Variants in HNF4G observed in about 807,000 individuals in gnomAD.
HNF4G encodes hepatocyte nuclear factor 4-gamma.
A neutral mutation model predicts 50.9 loss-of-function variants in HNF4G; 21 were observed. The ratio of observed to expected loss-of-function variants is 0.41; its 90% CI spans 0.29 to 0.59. The LOEUF is 0.59. Among genes scored for constraint, HNF4G ranks in the 20% least tolerant of loss-of-function variants. The probability of loss-of-function intolerance (pLI) is 0.26; values close to 1 mark genes in which losing one functional copy is unlikely to be tolerated. For missense variants in HNF4G, 527 were observed against 559.4 expected (o/e 0.94, Z 0.58); for synonymous variants, 198 against 185.6 (o/e 1.07, Z -0.54).
chr8:75,486,098 T>A (rs935802494), intron 1 of HNF4G, among the ~76,000 whole-genome samples: 1 of 152,218 alleles, frequency 6.6e-6, no homozygotes, highest in African/African-American at 2.4e-5. Flanking sequence ...ATGCCAGACT[T>A]ACAGATGAAT....
chr8:75,415,772 T>C lies in HNF4G; in HGVS notation c.-144+7610T>C, dbSNP rs764808084. Among the ~76,000 whole-genome samples, 4 of 149,306 alleles carry C rather than the reference T, an allele frequency of 2.7e-5. No homozygotes were observed. The South Asian group carries it at 8.7e-4, about 32-fold the overall frequency. On this transcript the variant is annotated intron_variant, in intron 1 of 10. Transcript: ENST00000354370. Reference sequence around the variant, plus strand: ...CCTTTTCAACCAGTGTGTGCACGTGTGTGTGTTGGGGGGTGGGGGGCATGT... The same window carrying C: ...CCTTTTCAACCAGTGTGTGCACGTGCGTGTGTTGGGGGGTGGGGGGCATGT...
At chr8:75,449,011 G>T (rs769265332) in intron 1 of HNF4G, among the ~76,000 whole-genome samples, 1 of 152,048 alleles carries the variant, frequency 6.6e-6, no homozygotes, top group South Asian at 2.1e-4. Context: ...CTGAGATTTG[G>T]GGGGGTATAG....
intron 1 of HNF4G, among the ~76,000 whole-genome samples, chr8:75,478,682 C>T (rs59055350): frequency 0.015 from 2,352 of 152,174 alleles, 64 homozygotes; most frequent in African/African-American, 0.054. Flanking sequence ...TTAGTTTGCT[C>T]ATGTATAAAG....
intron 2 of HNF4G, among the ~76,000 whole-genome samples, chr8:75,521,116 A>C (rs1456974777): frequency 1.3e-5 from 2 of 152,316 alleles, no homozygotes; most frequent in African/African-American, 4.8e-5. Flanking sequence ...GGAAAATAAC[A>C]AAAGAACTAT....
At chr8:75,456,209 C>T (rs1361854981) in intron 1 of HNF4G, among the ~76,000 whole-genome samples, 1 of 151,716 alleles carries the variant, frequency 6.6e-6, no homozygotes. Context: ...CAGGGTAGTG[C>T]AAAATTCGAC....
intron 3 of HNF4G, among the ~76,000 whole-genome samples, chr8:75,550,221 G>T (rs1227794149): frequency 6.6e-6 from 1 of 152,140 alleles, no homozygotes; most frequent in African/African-American, 2.4e-5. Context: ...TACATTCCTT[G>T]TTTCCCTTCT....
intron 2 of HNF4G, among the ~76,000 whole-genome samples, chr8:75,523,735 A>G (rs1341026359): frequency 6.6e-6 from 1 of 151,496 alleles, no homozygotes; most frequent in Non-Finnish European, 1.5e-5. Context: ...ATAGTATTAT[A>G]TTTTATAATA....
At chr8:75,472,747 G>C (rs1438561682) in intron 1 of HNF4G, among the ~76,000 whole-genome samples, 1 of 152,068 alleles carries the variant, frequency 6.6e-6, no homozygotes, top group Non-Finnish European at 1.5e-5. Context: ...TCACTGTTTT[G>C]GGGGGCTGGA....
At chr8:75,560,043 G>T (rs1015848447) in intron 8 of HNF4G, among the ~76,000 whole-genome samples, 2 of 152,040 alleles carry the variant, frequency 1.3e-5, no homozygotes, top group Non-Finnish European at 2.9e-5. Flanking sequence ...TAAACTTGAG[G>T]TAAGTGATTC....
intron 1 of HNF4G, among the ~76,000 whole-genome samples, chr8:75,444,693 T>A (rs1405180735): frequency 8.9e-6 from 1 of 112,802 alleles, no homozygotes; most frequent in Non-Finnish European, 1.8e-5. Context: ...GGCCATTACA[T>A]AATGATAAAG....
intron 1 of HNF4G, among the ~76,000 whole-genome samples, chr8:75,464,393 T>C (rs1811919936): frequency 6.6e-6 from 1 of 152,222 alleles, no homozygotes; most frequent in South Asian, 2.1e-4. Flanking sequence ...AAATATCAAA[T>C]TGTCTTTCAT....
intron 2 of HNF4G, among the ~76,000 whole-genome samples, chr8:75,504,172 G>A (rs1362734907): frequency 6.6e-6 from 1 of 151,484 alleles, no homozygotes; most frequent in Non-Finnish European, 1.5e-5. Flanking sequence ...AGTGAGCTGA[G>A]ATTGTGCCAC....
At chr8:75,491,285 T>A (rs1260704646) in intron 2 of HNF4G, among the ~76,000 whole-genome samples, 1 of 152,136 alleles carries the variant, frequency 6.6e-6, no homozygotes, top group Non-Finnish European at 1.5e-5. Context: ...ATACAAAATT[T>A]TTTTACTTGA....
At chr8:75,489,084 C>T (rs941955754) in intron 1 of HNF4G, among the ~76,000 whole-genome samples, 1 of 152,058 alleles carries the variant, frequency 6.6e-6, no homozygotes, top group Admixed American at 6.6e-5. Context: ...GAAAAATAAC[C>T]CAGAAGCCAC....
At chr8:75,476,290 A>C (rs1314376976) in intron 1 of HNF4G, among the ~76,000 whole-genome samples, 1 of 152,202 alleles carries the variant, frequency 6.6e-6, no homozygotes, top group Non-Finnish European at 1.5e-5. Flanking sequence ...ATTGCTGTGT[A>C]GTATTCCATG....
At chr8:75,549,627 A>G (rs962471863) in intron 3 of HNF4G, among the ~76,000 whole-genome samples, 2 of 146,930 alleles carry the variant, frequency 1.4e-5, no homozygotes, top group African/African-American at 5.1e-5. Flanking sequence ...TTATTATTAT[A>G]CTTTAAGTTT....
chr8:75,463,415 T>G (rs900637573), intron 1 of HNF4G, among the ~76,000 whole-genome samples: 5 of 152,184 alleles, frequency 3.3e-5, no homozygotes, highest in South Asian at 4.1e-4. Flanking sequence ...CTTATAATTC[T>G]TGATCACATG....
intron 2 of HNF4G, among the ~76,000 whole-genome samples, chr8:75,512,418 GATAAAC>G (rs1805778743): frequency 1.3e-5 from 2 of 148,638 alleles, no homozygotes; most frequent in Admixed American, 1.3e-4. Context: ...CTTCATTTTA[GATAAAC>G]ATCTTTATTA....
At chr8:75,534,681 A>G (rs1806414171) in intron 2 of HNF4G, among the ~76,000 whole-genome samples, 1 of 151,910 alleles carries the variant, frequency 6.6e-6, no homozygotes, top group South Asian at 2.1e-4. Context: ...GCTATTTCAC[A>G]AGGTGCTTAT....
Sources: gnomAD v4.1 joint callset for allele counts (sites outside exome capture counted in the v4.1 genomes callset) on GRCh38, gnomAD v4.1.1 for gene constraint, MANE v1.5 for transcripts, NCBI Gene and HGNC (gene_info 2026-07-23, HGNC 2026-07-21) for gene names.